Variants in NCOA2 observed in about 807,000 individuals in gnomAD.
The protein encoded by NCOA2 is nuclear receptor coactivator 2, also known as class E basic helix-loop-helix protein 75.
NCOA2 carries 21 observed loss-of-function variants against 145.1 expected under a neutral mutation model. The ratio of observed to expected loss-of-function variants is 0.14; its 90% CI spans 0.10 to 0.21. The LOEUF is 0.21. NCOA2 is among the 10% of genes least tolerant of loss of function. The probability of loss-of-function intolerance (pLI) is 1.00; values close to 1 mark genes in which losing one functional copy is unlikely to be tolerated. For missense variants in NCOA2, 1,472 were observed against 1,837.6 expected, an observed-to-expected ratio of 0.80 and a Z score of 3.64; for synonymous variants, 619 against 637.5, an observed-to-expected ratio of 0.97 and a Z score of 0.44.
chr8:70,337,091 T>A (rs185144700), intron 1 of NCOA2, among the ~76,000 whole-genome samples: 70 of 152,252 alleles, frequency 4.6e-4, no homozygotes, highest in African/African-American at 1.6e-3. Context: ...ACAAAACAAA[T>A]TGAGTGCCAA....
Position 70,293,357 on chromosome 8 carries a change from C to A in NCOA2, c.-20+3387G>T, listed in dbSNP as rs140769622. On this transcript the variant is annotated intron_variant, in intron 2 of 22. Coordinates refer to ENST00000452400, the MANE Select transcript of NCOA2 (RefSeq NM_006540.4). The stretch of plus-strand genomic sequence containing the variant: ...GGGATTAAAAACTCCAACAAATATT[C>A]ATTTGAAATGTATTTCAACCATGTC... 3.3e-5 allele frequency among the ~76,000 whole-genome samples: 5 copies of A among 152,288 alleles called. No homozygotes were observed. In the East Asian group the frequency reaches 9.6e-4, roughly 29 times the overall value.
At chr8:70,450,282 G>A in the NCOA2 span, among the ~76,000 whole-genome samples, 2 of 152,230 alleles carry the variant, frequency 1.3e-5, no homozygotes, top group African/African-American at 4.8e-5. Context: ...GCATGTGGGA[G>A]GTGATTAGGT....
intron 1 of NCOA2, among the ~76,000 whole-genome samples, chr8:70,352,913 A>G (rs779449063): frequency 4.6e-5 from 7 of 152,186 alleles, no homozygotes; most frequent in Non-Finnish European, 8.8e-5. Context: ...CTGGCAGCAG[A>G]TAACACCCAT....
At chr8:70,216,883 T>C in intron 2 of NCOA2, 119 bp from the exon 3 acceptor site, 1 of 508,616 alleles carries the variant, frequency 2.0e-6, no homozygotes, top group Non-Finnish European at 3.4e-6. Flanking sequence ...AGACCAGTAA[T>C]TAACATTGTT....
intron 11 of NCOA2, among the ~76,000 whole-genome samples, chr8:70,155,278 T>C (rs1225799149): frequency 6.6e-6 from 1 of 152,248 alleles, no homozygotes; most frequent in Non-Finnish European, 1.5e-5. Flanking sequence ...TAAGAAATTC[T>C]TTTGCATTAA....
chr8:70,280,204 A>G (rs886226723), intron 2 of NCOA2, among the ~76,000 whole-genome samples: 1 of 152,176 alleles, frequency 6.6e-6, no homozygotes, highest in Non-Finnish European at 1.5e-5. Context: ...CCCTTGCCTC[A>G]GAGCTGAGTT....
At chr8:70,235,628 A>G (rs979275383) in intron 2 of NCOA2, among the ~76,000 whole-genome samples, 2 of 152,002 alleles carry the variant, frequency 1.3e-5, no homozygotes, top group Admixed American at 1.3e-4. Context: ...AGGATCACTC[A>G]AGCCCAGGAG....
At chr8:70,398,477 T>C (rs551187431) in intron 1 of NCOA2, among the ~76,000 whole-genome samples, 5 of 152,028 alleles carry the variant, frequency 3.3e-5, no homozygotes, top group Admixed American at 6.6e-5. Flanking sequence ...ATAATAATAA[T>C]AACAACAACA....
chr8:70,372,710 A>C (rs930930628), intron 1 of NCOA2, among the ~76,000 whole-genome samples: 2 of 152,202 alleles, frequency 1.3e-5, no homozygotes, highest in Non-Finnish European at 2.9e-5. Flanking sequence ...ACAAATGCAT[A>C]CTATTACCAC....
At chr8:70,451,725 G>C in the NCOA2 span, among the ~76,000 whole-genome samples, 3 of 152,138 alleles carry the variant, frequency 2.0e-5, no homozygotes, top group African/African-American at 7.2e-5. Context: ...TCTTCAACCT[G>C]CTGGATCACG....
At chr8:70,250,528 C>T (rs529293132) in intron 2 of NCOA2, among the ~76,000 whole-genome samples, 93 of 151,838 alleles carry the variant, frequency 6.1e-4, no homozygotes, top group Admixed American at 1.2e-3. Flanking sequence ...TGAGATTGTG[C>T]CACTGCACTC....
At chr8:70,313,298 C>CT (rs1805279633) in intron 1 of NCOA2, among the ~76,000 whole-genome samples, 1 of 152,162 alleles carries the variant, frequency 6.6e-6, no homozygotes, top group African/African-American at 2.4e-5. Context: ...CTAACCCTTC[C>CT]TCTAGGCAAC....
intron 4 of NCOA2, among the ~76,000 whole-genome samples, chr8:70,198,688 G>A (rs890113266): frequency 6.6e-6 from 1 of 152,182 alleles, no homozygotes; most frequent in Non-Finnish European, 1.5e-5. Context: ...GACTAAATTG[G>A]CTGATTGTGG....
intron 2 of NCOA2, among the ~76,000 whole-genome samples, chr8:70,277,001 T>G (rs1440866540): frequency 6.6e-6 from 1 of 152,238 alleles, no homozygotes; most frequent in African/African-American, 2.4e-5. Flanking sequence ...ACAAATACTT[T>G]CTCTTAAAAA....
chr8:70,381,527 A>G (rs1435986830), intron 1 of NCOA2, among the ~76,000 whole-genome samples: 2 of 152,240 alleles, frequency 1.3e-5, no homozygotes, highest in Non-Finnish European at 2.9e-5. Flanking sequence ...ATGCTACATA[A>G]GCACTAATAT....
chr8:70,152,803 T>C (rs55887856), intron 11 of NCOA2, among the ~76,000 whole-genome samples: 2 of 152,188 alleles, frequency 1.3e-5, no homozygotes, highest in Non-Finnish European at 2.9e-5. Flanking sequence ...AAGTTAGTAA[T>C]AGGTTAAACA....
At chr8:70,251,520 G>T (rs1023263114) in intron 2 of NCOA2, among the ~76,000 whole-genome samples, 2 of 152,136 alleles carry the variant, frequency 1.3e-5, no homozygotes, top group South Asian at 4.1e-4. Context: ...AAAGTAAGTC[G>T]CCTTTAAAAA....
chr8:70,178,107 A>T (rs1405005062), intron 4 of NCOA2, among the ~76,000 whole-genome samples: 1 of 152,152 alleles, frequency 6.6e-6, no homozygotes. Flanking sequence ...AGATAACTCA[A>T]TCAGGCAGGT....
chr8:70,245,751 T>C (rs956256957), intron 2 of NCOA2, among the ~76,000 whole-genome samples: 2 of 152,140 alleles, frequency 1.3e-5, no homozygotes, highest in African/African-American at 4.8e-5. Flanking sequence ...TTCTGATGCA[T>C]GGTCTTCCTT....
Sources: allele counts gnomAD v4.1 joint callset (sites outside exome capture counted in the v4.1 genomes callset), GRCh38; gene constraint gnomAD v4.1.1; transcripts MANE v1.5; gene names NCBI Gene and HGNC (gene_info 2026-07-23, HGNC 2026-07-21).